Variants in CLASP2 observed in about 807,000 individuals in gnomAD.
CLASP2 encodes CLIP-associating protein 2.
In CLASP2, 47 loss-of-function variants were observed where a neutral mutation model predicts 194.4. The observed-to-expected ratio is 0.24, with a 90% CI of 0.19 to 0.31. The LOEUF (loss-of-function observed/expected upper bound fraction) is 0.31. Among genes scored for constraint, CLASP2 ranks in the 10% least tolerant of loss-of-function variants. The pLI, the probability that CLASP2 is intolerant of heterozygous loss-of-function variation, is 1.00. For synonymous variants in CLASP2, 619 were observed against 633.5 expected (o/e 0.98, Z 0.34); for missense variants, 1,445 against 1,823.6 (o/e 0.79, Z 3.78).
At chr3:33,643,477 C>T (rs2081700280) in intron 8 of CLASP2, among the ~76,000 whole-genome samples, 1 of 151,794 alleles carries the variant, frequency 6.6e-6, no homozygotes, top group Non-Finnish European at 1.5e-5. Flanking sequence ...TCATAACTAA[C>T]ATTTGGATGA....
intron 36 of CLASP2, among the ~76,000 whole-genome samples, chr3:33,514,224 G>A (rs765133749): frequency 6.6e-6 from 1 of 152,084 alleles, no homozygotes; most frequent in Admixed American, 6.5e-5. Flanking sequence ...CTGACCTCAA[G>A]TGATCCACCT....
At chr3:33,643,072 T>C (rs1375091910) in intron 8 of CLASP2, among the ~76,000 whole-genome samples, 2 of 151,904 alleles carry the variant, frequency 1.3e-5, no homozygotes, top group African/African-American at 4.8e-5. Context: ...ACTACAAGAA[T>C]GGGGGTGGAG....
intron 18 of CLASP2, among the ~76,000 whole-genome samples, chr3:33,602,015 CTTTT>C (rs1163557505): frequency 2.1e-5 from 3 of 140,082 alleles, no homozygotes; most frequent in African/African-American, 2.6e-5. Context: ...TCCGAAATAC[CTTTT>C]TTTTTTTTTT....
chr3:33,712,180 G>A (rs1471953795), intron 1 of CLASP2, among the ~76,000 whole-genome samples: 1 of 152,130 alleles, frequency 6.6e-6, no homozygotes, highest in Non-Finnish European at 1.5e-5. Flanking sequence ...TTACTTCTCA[G>A]CCACAAAAAG....
chr3:33,582,062 C>T (rs1490174883), intron 22 of CLASP2, 134 bp from the exon 23 acceptor site: 1 of 613,896 alleles, frequency 1.6e-6, no homozygotes, highest in Admixed American at 2.7e-5. Flanking sequence ...AAAGAAATTA[C>T]TCTTGCTGAA....
chr3:33,520,002 ATATG>A (rs2052523448), intron 34 of CLASP2, among the ~76,000 whole-genome samples: 1 of 152,078 alleles, frequency 6.6e-6, no homozygotes, highest in African/African-American at 2.4e-5. Context: ...GATATTTTTG[ATATG>A]TTATCTCTCT....
intron 1 of CLASP2, 136 bp downstream of exon 1, chr3:33,717,672 G>T: frequency 2.2e-6 from 2 of 923,550 alleles, no homozygotes; most frequent in Admixed American, 2.4e-5. Context: ...TGATCCGCCC[G>T]CCTGTGCTTC....
intron 15 of CLASP2, 106 bp downstream of exon 15, chr3:33,607,278 G>A (rs1370414722): frequency 3.0e-6 from 2 of 676,636 alleles, no homozygotes; most frequent in African/African-American, 1.8e-5. Flanking sequence ...TTTACTGGAG[G>A]GCTAGTCAAG....
Position 33,632,308 on chromosome 3 carries a change from T to G in CLASP2, c.926A>C (p.Asp309Ala). 1 of 1,604,362 alleles carries G rather than the reference T, an allele frequency of 6.2e-7. No individual in the cohort carries two copies. The highest frequency in any genetic ancestry group is 8.5e-7 in the Non-Finnish European group (1 of 1,175,664). ...TAGCCTTACCTGAATAGAAGGGACA[T>G]CTGTAAAAGCTTTTATAAAATCATC... ...DEDDFIKAFT[D>A]VPSIQIYSSR... Residue 309 changes from aspartate to alanine, a missense_variant, in exon 9 of 39, where the codon GAT (aspartate) becomes GCT (alanine). Asp to Ala is a moderately radical substitution (Grantham distance 126, BLOSUM62 -2). This residue lies in a region of CLASP2 where 207 missense variants were observed against 331.4 expected (regional missense o/e 0.62). Transcript: ENST00000682230.
intron 14 of CLASP2, 89 bp downstream of exon 14, chr3:33,608,478 G>T: frequency 9.7e-7 from 1 of 1,035,894 alleles, no homozygotes; most frequent in South Asian, 1.5e-5. Flanking sequence ...GAAGCAAAAT[G>T]AGAAATAATG....
At position 33,590,324 on chromosome 3, in the gene CLASP2, A is replaced by G. The variant is rs1252249680; in HGVS notation, c.2068+2071T>C. 3.3e-5 allele frequency among the ~76,000 whole-genome samples: 5 copies of G among 152,166 alleles called. No individual in the cohort carries two copies. The East Asian group carries it at 9.6e-4, about 29-fold the overall frequency. Reference sequence around the variant, plus strand: ...CAAACCTGGGCAGACTCCAGTATCTATGATCTAAACCAGTATGTACTTCTC... The same window carrying G: ...CAAACCTGGGCAGACTCCAGTATCTGTGATCTAAACCAGTATGTACTTCTC... On this transcript the variant is annotated intron_variant, in intron 21 of 38. Coordinates refer to ENST00000682230, the MANE Select transcript of CLASP2 (RefSeq NM_001365631.1).
chr3:33,629,511 A>G (rs2078667809), intron 9 of CLASP2, among the ~76,000 whole-genome samples: 1 of 152,158 alleles, frequency 6.6e-6, no homozygotes, highest in Non-Finnish European at 1.5e-5. Context: ...TACTGAGAGA[A>G]GAGAGGAGGA....
Position 33,706,948 on chromosome 3 carries a change from A to AAG in CLASP2, c.196-10017_196-10016dup, listed in dbSNP as rs780816720. On this transcript the variant is annotated intron_variant, in intron 1 of 38. Coordinates refer to ENST00000682230, the MANE Select transcript of CLASP2 (RefSeq NM_001365631.1). Reference sequence around the variant, plus strand: ...CCACTGCACTCCAGACTAGGCAACAAAGAGAGAGAGAGACCCTGTCTCAAA... The same window carrying AAG: ...CCACTGCACTCCAGACTAGGCAACAAAGAGAGAGAGAGAGACCCTGTCTCAAA... 3.0e-4 allele frequency among the ~76,000 whole-genome samples: 46 copies of AAG among 152,126 alleles called. 1 individual carries two copies. Among genetic ancestry groups the AAG allele is most frequent in the East Asian group, 2.9e-3 (15 of 5,186 alleles).
intron 16 of CLASP2, among the ~76,000 whole-genome samples, chr3:33,605,811 A>G (rs2154259266): frequency 6.6e-6 from 1 of 152,100 alleles, no homozygotes; most frequent in South Asian, 2.1e-4. Context: ...GGGTTTCACC[A>G]TGTTGGCCAG....
chr3:33,556,378 A>G (rs1030723894), intron 29 of CLASP2, among the ~76,000 whole-genome samples: 2 of 151,990 alleles, frequency 1.3e-5, no homozygotes, highest in African/African-American at 4.8e-5. Context: ...TGGCTCCAAT[A>G]TAACTTTTCC....
rs761789213 is a variant in CLASP2, at chr3:33,576,272, G to C, written c.2351C>G (p.Pro784Arg). Residue 784 changes from proline to arginine, a missense_variant, in exon 24 of 39, where the codon CCA (proline) becomes CGA (arginine). Pro to Arg is a moderately radical substitution (Grantham distance 103, BLOSUM62 -2). This residue lies in a region of CLASP2 where 732 missense variants were observed against 987.9 expected (regional missense o/e 0.74). Transcript: ENST00000682230. ...SPVRSFQPLG[P>R]GYGISQSSRL... ...ACTTGATTGGCTGATCCCATAACCT[G>C]GACCTAATTCATCAAAAGAAGGAAA... is the stretch of plus-strand genomic sequence containing the variant. 1 of 1,611,070 alleles carries C rather than the reference G, an allele frequency of 6.2e-7. No homozygotes were observed. The highest frequency in any genetic ancestry group is 8.5e-7 in the Non-Finnish European group (1 of 1,177,644).
At chr3:33,692,075 G>A (rs889302999) in intron 2 of CLASP2, among the ~76,000 whole-genome samples, 6 of 152,044 alleles carry the variant, frequency 3.9e-5, no homozygotes, top group Non-Finnish European at 8.8e-5. Context: ...AGGCTGTGGT[G>A]GGAGGATGGT....
At chr3:33,537,273 G>C (rs1049269301) in intron 33 of CLASP2, among the ~76,000 whole-genome samples, 25 of 152,306 alleles carry the variant, frequency 1.6e-4, no homozygotes, top group Middle Eastern at 3.4e-3. Flanking sequence ...TTGAAGGGTA[G>C]GGAACCTCAA....
chr3:33,540,426 G>C (rs761583440), intron 32 of CLASP2, among the ~76,000 whole-genome samples: 41 of 151,824 alleles, frequency 2.7e-4, no homozygotes, highest in Non-Finnish European at 5.4e-4. Context: ...TTTTTTTGTA[G>C]AGATGGGGTC....
Sources: allele counts gnomAD v4.1 joint callset (sites outside exome capture counted in the v4.1 genomes callset), GRCh38; gene constraint gnomAD v4.1.1; regional missense constraint gnomAD v4.1.1; transcripts MANE v1.5; gene names NCBI Gene and HGNC (gene_info 2026-07-23, HGNC 2026-07-21).